The following CFAP47 variants were observed in gnomAD, a reference collection of about 807,000 sequenced individuals.
CFAP47 encodes the protein cilia- and flagella-associated protein 47.
Under a neutral mutation model 148.1 loss-of-function variants are expected in CFAP47, and 29 were observed. The observed-to-expected ratio is 0.20, with a 90% CI of 0.15 to 0.27. CFAP47 has a LOEUF of 0.27. CFAP47 is among the 10% of genes least tolerant of loss of function. The pLI is 1.00. For synonymous variants in CFAP47, 664 were observed against 577.3 expected (o/e 1.15, Z -2.15); for missense variants, 1,872 against 1,697.5 (o/e 1.10, Z -1.81).
intron 33 of CFAP47, among the ~76,000 whole-genome samples, chrX:36,127,944 G>C (rs1018880201): frequency 1.8e-5 from 2 of 111,044 alleles, no homozygotes; most frequent in Admixed American, 1.9e-4. Flanking sequence ...CAGTGATTTT[G>C]TATCCTGAGA....
chrX:36,304,392 CAAA>C (rs34996225), intron 54 of CFAP47, among the ~76,000 whole-genome samples: 2 of 80,817 alleles, frequency 2.5e-5, no homozygotes. Context: ...CAAAAGTAAT[CAAA>C]AAAAAAAAAA....
chrX:36,198,036 C>T (rs1184053977), intron 42 of CFAP47, among the ~76,000 whole-genome samples: 1 of 111,060 alleles, frequency 9.0e-6, no homozygotes, highest in Non-Finnish European at 1.9e-5. Flanking sequence ...TTTGCATGAT[C>T]AATTTACCTT....
chrX:36,341,200 T>TA (rs11450232), intron 57 of CFAP47, among the ~76,000 whole-genome samples: 9,422 of 108,996 alleles, frequency 0.086, 439 homozygotes, highest in East Asian at 0.25. Context: ...CACACCCAGA[T>TA]AATTTTTTGT....
intron 32 of CFAP47, among the ~76,000 whole-genome samples, chrX:36,102,957 A>G (rs1405718312): frequency 8.9e-6 from 1 of 111,797 alleles, no homozygotes; most frequent in Non-Finnish European, 1.9e-5. Context: ...TTTTTAATCA[A>G]ATTTTGAAGT....
chrX:36,156,214 C>A (rs1939364555), intron 37 of CFAP47, among the ~76,000 whole-genome samples: 1 of 109,933 alleles, frequency 9.1e-6, no homozygotes, highest in Admixed American at 9.7e-5. Context: ...ATTTTGTTTT[C>A]CTAAACAAAA....
chrX:35,959,610 C>T (rs1247704775), intron 8 of CFAP47, among the ~76,000 whole-genome samples: 3 of 111,359 alleles, frequency 2.7e-5, no homozygotes, highest in Non-Finnish European at 3.8e-5. Context: ...AGTTCGAGAC[C>T]AGCCTGACCA....
intron 8 of CFAP47, among the ~76,000 whole-genome samples, chrX:35,962,926 GGTGTGTGT>G (rs59734260): frequency 0.011 from 1,030 of 90,775 alleles, 6 homozygotes; most frequent in African/African-American, 0.03. Flanking sequence ...AATAAAATGT[GGTGTGTGT>G]GTGTGTGTGT....
At chrX:36,295,725 T>A (rs1941236182) in intron 51 of CFAP47, among the ~76,000 whole-genome samples, 1 of 111,968 alleles carries the variant, frequency 8.9e-6, no homozygotes, top group Non-Finnish European at 1.9e-5. Context: ...TTGAAGATAT[T>A]TTGGCAGGTG....
intron 29 of CFAP47, among the ~76,000 whole-genome samples, chrX:36,081,875 T>A (rs1406026415): frequency 4.5e-5 from 5 of 111,317 alleles, no homozygotes; most frequent in Non-Finnish European, 7.5e-5. Flanking sequence ...ACAGCCAATA[T>A]CATACTGAAT....
chrX:35,977,518 CCATCTTTCCTCCCTCCTTT>C (rs1936587447), intron 15 of CFAP47, among the ~76,000 whole-genome samples: 1 of 111,158 alleles, frequency 9.0e-6, no homozygotes, highest in Non-Finnish European at 1.9e-5. Context: ...CTGTTTCCTT[CCATCTTTCCTCCCTCCTTT>C]CATCTTTCCT....
At position 36,027,182 on chromosome X, in the gene CFAP47, T is replaced by TTA. The variant is rs756773754; in HGVS notation, c.3557-4062_3557-4061dup. Among the ~76,000 whole-genome samples the TTA allele has an allele frequency of 5.2e-3, 547 of 105,639 alleles. 5 individuals are homozygous for TTA. The highest frequency in any genetic ancestry group is 0.018 in the African/African-American group (521 of 29,320). 91.7% of individuals were successfully genotyped at this position (105,639 alleles called of 115,157 possible). A position where few individuals can be genotyped will look rare whatever the true frequency, so the allele number is the denominator to read the frequency against. On this transcript the variant is annotated intron_variant, in intron 22 of 63. Transcript: ENST00000378653. ...TATATATGTGATTATATATATATGA[T>TTA]TATATATATACACATAAATATATAT...
At chrX:36,321,618 A>T (rs782691241) in intron 57 of CFAP47, among the ~76,000 whole-genome samples, 1 of 111,746 alleles carries the variant, frequency 8.9e-6, no homozygotes, top group Admixed American at 9.6e-5. Context: ...CTATGCCTGT[A>T]TCAAAATATC....
intron 33 of CFAP47, among the ~76,000 whole-genome samples, chrX:36,120,082 G>A (rs1208497493): frequency 6.5e-5 from 7 of 107,892 alleles, no homozygotes; most frequent in Admixed American, 2.0e-4. Context: ...TGCAAGCTCC[G>A]CCTCCCAGGT....
intron 33 of CFAP47, among the ~76,000 whole-genome samples, chrX:36,114,621 C>A (rs73472808): frequency 5.3e-4 from 59 of 111,369 alleles, no homozygotes; most frequent in Non-Finnish European, 1.0e-3. Context: ...AGAAGGCCAG[C>A]GCTCAGCTCT....
intron 39 of CFAP47, among the ~76,000 whole-genome samples, chrX:36,173,926 T>C (rs1199129210): frequency 9.0e-6 from 1 of 111,556 alleles, no homozygotes; most frequent in Non-Finnish European, 1.9e-5. Flanking sequence ...TATTAATGTG[T>C]GGGAGTCTAA....
intron 56 of CFAP47, among the ~76,000 whole-genome samples, chrX:36,318,281 A>G (rs1941452889): frequency 8.9e-6 from 1 of 112,611 alleles, no homozygotes; most frequent in African/African-American, 3.2e-5. Context: ...AGTAGAGCTT[A>G]TCTTTTTAAT....
chrX:36,155,224 A>C (rs1939354112), intron 37 of CFAP47, among the ~76,000 whole-genome samples: 2 of 111,394 alleles, frequency 1.8e-5, no homozygotes, highest in Admixed American at 1.9e-4. Flanking sequence ...TCTATCCTTG[A>C]ATTTTCTCTA....
intron 37 of CFAP47, among the ~76,000 whole-genome samples, chrX:36,156,077 C>G (rs1050020298): frequency 9.0e-6 from 1 of 111,102 alleles, no homozygotes; most frequent in Non-Finnish European, 1.9e-5. Flanking sequence ...ACTCACTTAT[C>G]TAAATGCATT....
At chrX:36,113,819 T>C (rs1685185106) in intron 33 of CFAP47, among the ~76,000 whole-genome samples, 1 of 91,767 alleles carries the variant, frequency 1.1e-5, no homozygotes, top group Non-Finnish European at 2.1e-5. Context: ...CTTGTCTGTC[T>C]TTTTTTTTTT....
Sources: allele counts gnomAD v4.1 joint callset (sites outside exome capture counted in the v4.1 genomes callset), GRCh38; gene constraint gnomAD v4.1.1; transcripts MANE v1.5; gene names NCBI Gene and HGNC (gene_info 2026-07-23, HGNC 2026-07-21).